Variants in STIM1 observed in about 807,000 individuals in gnomAD.
STIM1 encodes stromal interaction molecule 1.
Under a neutral mutation model 74.7 loss-of-function variants are expected in STIM1, and 25 were observed. That is an observed-to-expected ratio of 0.33 (90% confidence interval 0.24 to 0.47). The LOEUF is 0.47. Ranked by LOEUF, STIM1 falls within the 20% of genes least tolerant of loss-of-function variation. STIM1 has a pLI of 1.00. For synonymous variants in STIM1, 328 were observed against 348.8 expected, an observed-to-expected ratio of 0.94 and a Z score of 0.66; for missense variants, 728 against 920.8, an observed-to-expected ratio of 0.79 and a Z score of 2.71.
chr11:3,869,271 A>G (rs2090987178), intron 1 of STIM1, among the ~76,000 whole-genome samples: 1 of 152,202 alleles, frequency 6.6e-6, no homozygotes, highest in Non-Finnish European at 1.5e-5. Context: ...ACCTGGCCTG[A>G]GTACTATTCT....
intron 1 of STIM1, among the ~76,000 whole-genome samples, chr11:3,872,073 A>G (rs2091118628): frequency 6.6e-6 from 1 of 151,660 alleles, no homozygotes; most frequent in Admixed American, 6.6e-5. Context: ...TTTTTTTTGA[A>G]ACAGAGTCTA....
At position 3,898,139 on chromosome 11, in the gene STIM1, G is replaced by A. The variant is rs376585678; in HGVS notation, c.139+41730G>A. ...GTTTATAGTCCCACCAACAGTGTAAGAGTGTTCCTATTTCTCCACATCCTC... is the reference window on the plus strand; with the variant it reads ...GTTTATAGTCCCACCAACAGTGTAAAAGTGTTCCTATTTCTCCACATCCTC... On this transcript the variant is annotated intron_variant, in intron 1 of 12. Transcript: ENST00000526596. Among the ~76,000 whole-genome samples the A allele has an allele frequency of 2.8e-3, 425 of 151,974 alleles. 2 individuals are homozygous for A. The highest frequency in any genetic ancestry group is 9.9e-3 in the African/African-American group (408 of 41,364).
chr11:3,949,904 C>A (rs1188194657), intron 1 of STIM1, among the ~76,000 whole-genome samples: 1 of 152,130 alleles, frequency 6.6e-6, no homozygotes, highest in Non-Finnish European at 1.5e-5. Flanking sequence ...ATTCCAACAC[C>A]ACAAAGATCC....
At chr11:3,979,665 C>T (rs941040734) in intron 2 of STIM1, among the ~76,000 whole-genome samples, 2 of 152,122 alleles carry the variant, frequency 1.3e-5, no homozygotes, top group Non-Finnish European at 2.9e-5. Context: ...GTATTGAACT[C>T]CTGGTCTCAA....
In STIM1 at chr11:3,973,261, TC is replaced by T. The variant is rs1249438948; in HGVS notation, c.270+5582del. On this transcript the variant is annotated intron_variant, in intron 2 of 12. Transcript: ENST00000526596. The stretch of plus-strand genomic sequence containing the variant: ...TCTCCTCCATGACCAAAGTTGTCAT[TC>T]CCACCAAAACCACCTCCACGACCAT... 1.2e-5 allele frequency: 6 copies of T among 482,204 alleles called. No homozygotes were observed. The East Asian group carries it at 3.3e-4, about 27-fold the overall frequency. The allele number at this position is 482,204 out of a possible 1,614,324, so 29.9% of individuals were successfully genotyped here.
chr11:4,033,160 A>G (rs2094066446), intron 3 of STIM1, among the ~76,000 whole-genome samples: 1 of 151,892 alleles, frequency 6.6e-6, no homozygotes, highest in Non-Finnish European at 1.5e-5. Context: ...CAAAGATCAG[A>G]TAGTTGTAGA....
intron 12 of STIM1, among the ~76,000 whole-genome samples, chr11:4,088,311 T>A (rs1023042351): frequency 1.3e-5 from 2 of 152,178 alleles, no homozygotes; most frequent in African/African-American, 4.8e-5. Context: ...AGTCCTGGCC[T>A]CTGGGCTGCA....
chr11:3,903,620 G>A (rs886470509), intron 1 of STIM1: 2 of 152,236 alleles, frequency 1.3e-5, no homozygotes, highest in Admixed American at 1.3e-4. Flanking sequence ...GTAGGAAATA[G>A]CTCTTGTGGG....
At chr11:3,942,513 CCTT>C in intron 1 of STIM1, among the ~76,000 whole-genome samples, 1 of 152,236 alleles carries the variant, frequency 6.6e-6, no homozygotes, top group Admixed American at 6.5e-5. Context: ...CCTACCCTAT[CCTT>C]CTTTGTAGTG....
intron 2 of STIM1, among the ~76,000 whole-genome samples, chr11:4,013,626 C>T (rs1399166809): frequency 6.9e-6 from 1 of 145,432 alleles, no homozygotes; most frequent in Non-Finnish European, 1.5e-5. Flanking sequence ...TTTATTGCAT[C>T]TGTATGATTC....
In STIM1 at chr11:3,910,409, G is replaced by T. The variant is rs150632002; in HGVS notation, c.139+54000G>T. Among the ~76,000 whole-genome samples, 411 of 152,256 alleles carry T rather than the reference G, an allele frequency of 2.7e-3. 3 individuals carry two copies. Among genetic ancestry groups the T allele is most frequent in the African/African-American group, 8.7e-3 (360 of 41,562 alleles). ...ATGAAACCTGACCTGAGTGAAGTAA[G>T]CAGAGGCTTTCCTGGACCTCATCAA... is the stretch of plus-strand genomic sequence containing the variant. On this transcript the variant is annotated intron_variant, in intron 1 of 12. Transcript: ENST00000526596.
At chr11:3,958,287 T>G (rs1183097641) in intron 1 of STIM1, among the ~76,000 whole-genome samples, 1 of 152,158 alleles carries the variant, frequency 6.6e-6, no homozygotes, top group Non-Finnish European at 1.5e-5. Flanking sequence ...GGCAGGAGGA[T>G]TGCTTGAGCC....
chr11:3,910,861 C>CTATA (rs2092551189), intron 1 of STIM1, among the ~76,000 whole-genome samples: 1 of 151,724 alleles, frequency 6.6e-6, no homozygotes, highest in Non-Finnish European at 1.5e-5. Flanking sequence ...TGGTGCCTGC[C>CTATA]TATAATCCCA....
At chr11:3,911,498 C>T (rs919129054) in intron 1 of STIM1, among the ~76,000 whole-genome samples, 13 of 152,266 alleles carry the variant, frequency 8.5e-5, no homozygotes, top group African/African-American at 2.9e-4. Flanking sequence ...GATCCTCCCA[C>T]CTAACCCTCT....
At chr11:3,894,377 A>C (rs2091991202) in intron 1 of STIM1, among the ~76,000 whole-genome samples, 1 of 152,296 alleles carries the variant, frequency 6.6e-6, no homozygotes. Context: ...GCCAGGCTTC[A>C]GGCTTGGGGG....
chr11:4,084,488 C>G (rs1373490485), intron 10 of STIM1, among the ~76,000 whole-genome samples, 185 bp from the exon 11 acceptor site: 1 of 152,214 alleles, frequency 6.6e-6, no homozygotes, highest in African/African-American at 2.4e-5. Context: ...GGATCACTGA[C>G]AGGCAGAGCT....
intron 2 of STIM1, among the ~76,000 whole-genome samples, chr11:4,017,250 G>T (rs1028281981): frequency 6.6e-6 from 1 of 152,152 alleles, no homozygotes; most frequent in Non-Finnish European, 1.5e-5. Context: ...CCTGATTGTT[G>T]CAGCTTCATT....
intron 1 of STIM1, among the ~76,000 whole-genome samples, chr11:3,910,166 G>C (rs1308440980): frequency 3.3e-5 from 5 of 152,168 alleles, no homozygotes; most frequent in Admixed American, 3.3e-4. Flanking sequence ...AAGGATTTGC[G>C]ACTATATTCT....
At chr11:4,016,676 G>C (rs141827813) in intron 2 of STIM1, among the ~76,000 whole-genome samples, 1,549 of 152,400 alleles carry the variant, frequency 0.01, 18 homozygotes, top group African/African-American at 0.034. Flanking sequence ...TAGAGAGGCA[G>C]TAGGCCTTGC....
Sources: gnomAD v4.1 joint callset for allele counts (sites outside exome capture counted in the v4.1 genomes callset) on GRCh38, gnomAD v4.1.1 for gene constraint, MANE v1.5 for transcripts, NCBI Gene and HGNC (gene_info 2026-07-23, HGNC 2026-07-21) for gene names.